SLC25A26: variants seen among roughly 807,000 people sequenced by gnomAD.
SLC25A26 encodes the protein solute carrier family 25 member 26.
A neutral mutation model predicts 37.8 loss-of-function variants in SLC25A26; 36 were observed. The observed-to-expected ratio is 0.95, with a 90% CI of 0.73 to 1.26. The LOEUF (loss-of-function observed/expected upper bound fraction) is 1.26. Ranked by LOEUF, SLC25A26 falls within the 50% of genes most tolerant of loss-of-function variation. The pLI is 0.00. For synonymous variants in SLC25A26, 129 were observed against 122.5 expected, an observed-to-expected ratio of 1.05 and a Z score of -0.35; for missense variants, 390 against 331.1, an observed-to-expected ratio of 1.18 and a Z score of -1.38.
intron 3 of SLC25A26, among the ~76,000 whole-genome samples, chr3:66,247,266 A>T (rs201806345): frequency 8.3e-6 from 1 of 120,920 alleles, no homozygotes; most frequent in South Asian, 2.4e-4. Context: ...TATAAATATA[A>T]ATATATATAT....
chr3:66,302,925 G>C (rs1463341622), intron 5 of SLC25A26, among the ~76,000 whole-genome samples: 1 of 152,154 alleles, frequency 6.6e-6, no homozygotes, highest in Non-Finnish European at 1.5e-5. Context: ...GATAAAGAAA[G>C]ATAACTGATG....
chr3:66,350,199 C>G (rs1468264567), intron 6 of SLC25A26, among the ~76,000 whole-genome samples: 5 of 152,176 alleles, frequency 3.3e-5, no homozygotes, highest in Non-Finnish European at 5.9e-5. Context: ...TTAGCCAAGA[C>G]TAGCAGATTG....
At chr3:66,160,188 C>G (rs1415124350) in intron 1 of SLC25A26, among the ~76,000 whole-genome samples, 1 of 151,878 alleles carries the variant, frequency 6.6e-6, no homozygotes, top group African/African-American at 2.4e-5. Context: ...TGGGGTTTCA[C>G]CATATTGGAC....
intron 3 of SLC25A26, among the ~76,000 whole-genome samples, chr3:66,245,828 T>G (rs1402889853): frequency 6.6e-6 from 1 of 152,224 alleles, no homozygotes; most frequent in Admixed American, 6.5e-5. Context: ...ACAGTTCACA[T>G]ACCATACAGT....
chr3:66,292,385 C>T (rs990141377), intron 5 of SLC25A26, among the ~76,000 whole-genome samples: 57 of 152,254 alleles, frequency 3.7e-4, no homozygotes, highest in African/African-American at 9.6e-4. Context: ...GCAGTTTCTT[C>T]GTAGTGTTGA....
intron 5 of SLC25A26, chr3:66,293,075 A>G (rs768556815): frequency 1.3e-5 from 2 of 151,558 alleles, no homozygotes; most frequent in African/African-American, 2.4e-5. Flanking sequence ...TGCTTGATCT[A>G]TTTGGCTATT....
intron 5 of SLC25A26, among the ~76,000 whole-genome samples, chr3:66,264,398 C>T (rs185391873): frequency 2.0e-5 from 3 of 152,308 alleles, no homozygotes; most frequent in East Asian, 3.9e-4. Context: ...ACCCCAGGGC[C>T]GTGGACGTGT....
chr3:66,216,073 G>C (rs979779105), upstream of SLC25A26, among the ~76,000 whole-genome samples: 124 of 152,274 alleles, frequency 8.1e-4, 2 homozygotes, highest in African/African-American at 2.9e-3. Context: ...CTTCTTTTAC[G>C]AAGACTTTAG....
chr3:66,273,209 G>C lies in SLC25A26; in HGVS notation c.453+9830G>C, dbSNP rs558493338. ...ATTCGGTTTGCCAGTATTTTATTGA[G>C]GATTTTTGCGTCAATGTGCATCAAG... is the stretch of plus-strand genomic sequence containing the variant. On this transcript the variant is annotated intron_variant, in intron 5 of 9. Coordinates refer to ENST00000354883, the MANE Select transcript of SLC25A26 (RefSeq NM_001379210.1). Among the ~76,000 whole-genome samples, 9 of 152,228 alleles carry C rather than the reference G, an allele frequency of 5.9e-5. No individual in the cohort carries two copies. The East Asian group carries it at 1.5e-3, about 26-fold the overall frequency.
intron 5 of SLC25A26, among the ~76,000 whole-genome samples, chr3:66,275,153 A>G (rs1318854055): frequency 2.0e-5 from 3 of 151,256 alleles, no homozygotes; most frequent in Non-Finnish European, 4.4e-5. Flanking sequence ...TCGCAAGGAC[A>G]AAAAACCAAA....
intron 5 of SLC25A26, among the ~76,000 whole-genome samples, chr3:66,308,076 A>G (rs1216137501): frequency 2.0e-5 from 3 of 152,160 alleles, no homozygotes; most frequent in Non-Finnish European, 4.4e-5. Context: ...CATTGAATCT[A>G]TAAATTACTT....
intron 5 of SLC25A26, chr3:66,304,305 G>T: frequency 2.5e-6 from 1 of 398,846 alleles, no homozygotes; most frequent in East Asian, 7.0e-5. Flanking sequence ...GAATCTTGGG[G>T]GCCTCCCACA....
chr3:66,372,408 G>C (rs577689028), intron 9 of SLC25A26, among the ~76,000 whole-genome samples: 18 of 152,292 alleles, frequency 1.2e-4, no homozygotes, highest in African/African-American at 4.3e-4. Context: ...ATGTTGAGTA[G>C]ATGATTGAAG....
chr3:66,201,341 T>C (rs2071106373), intron 1 of SLC25A26, among the ~76,000 whole-genome samples: 1 of 151,952 alleles, frequency 6.6e-6, no homozygotes, highest in South Asian at 2.1e-4. Context: ...TATGTGTGTA[T>C]ATATAATTTT....
At position 66,371,289 on chromosome 3, in the gene SLC25A26, G is replaced by A. The variant is rs201476115; in HGVS notation, c.707+687G>A. 4.0e-4 allele frequency: 623 copies of A among 1,549,796 alleles called. 4 individuals are homozygous for A. The highest frequency in any genetic ancestry group is 1.8e-3 in the Middle Eastern group (11 of 5,986). ...GTCGGCAGCTGCCTGGACTTCGGGC[G>A]TCTCAGCTGGCAGTGCCACCTCCTC... On this transcript the variant is annotated intron_variant, in intron 9 of 9. Transcript: ENST00000354883.
intron 5 of SLC25A26, among the ~76,000 whole-genome samples, chr3:66,277,495 G>T (rs777539331): frequency 2.0e-5 from 3 of 151,930 alleles, no homozygotes; most frequent in Non-Finnish European, 4.4e-5. Flanking sequence ...AGGATCAGCA[G>T]GTTCTGGGTA....
intron 5 of SLC25A26, among the ~76,000 whole-genome samples, chr3:66,272,053 T>C (rs536962283): frequency 2.0e-5 from 3 of 152,312 alleles, no homozygotes; most frequent in Non-Finnish European, 2.9e-5. Context: ...TATATTCATA[T>C]GTAAACACCT....
chr3:66,227,091 A>C (rs2071790160), intron 1 of SLC25A26, among the ~76,000 whole-genome samples: 1 of 152,054 alleles, frequency 6.6e-6, no homozygotes, highest in African/African-American at 2.4e-5. Context: ...TCAACTTCTA[A>C]CATTTTATTT....
intron 1 of SLC25A26, among the ~76,000 whole-genome samples, chr3:66,234,492 A>G (rs782433878): frequency 3.9e-5 from 6 of 152,200 alleles, no homozygotes; most frequent in Non-Finnish European, 8.8e-5. Flanking sequence ...TTTGCAGATT[A>G]GAACTTCAGG....
Sources: gnomAD v4.1 joint callset for allele counts (sites outside exome capture counted in the v4.1 genomes callset) on GRCh38, gnomAD v4.1.1 for gene constraint, MANE v1.5 for transcripts, NCBI Gene and HGNC (gene_info 2026-07-23, HGNC 2026-07-21) for gene names.